Variants in AGGF1 observed in about 807,000 individuals in gnomAD.
The protein encoded by AGGF1 is angiogenic factor with G-patch and FHA domains 1.
Under a neutral mutation model 86.5 loss-of-function variants are expected in AGGF1, and 56 were observed. The ratio of observed to expected loss-of-function variants is 0.65; its 90% CI spans 0.52 to 0.81. The LOEUF (loss-of-function observed/expected upper bound fraction) is 0.81, where lower values mean the gene tolerates loss of function less well. Among genes scored for constraint, AGGF1 ranks in the 30% least tolerant of loss-of-function variants. AGGF1 has a pLI of 0.00. For missense variants in AGGF1, 816 were observed against 850.9 expected, an observed-to-expected ratio of 0.96 and a Z score of 0.51; for synonymous variants, 313 against 297.1, an observed-to-expected ratio of 1.05 and a Z score of -0.55.
chr5:77,048,103 T>A (rs773746238), intron 6 of AGGF1, 58 bp from the exon 7 acceptor site: 27 of 1,110,964 alleles, frequency 2.4e-5, no homozygotes, highest in Non-Finnish European at 3.7e-5. Flanking sequence ...TAGTTATCCC[T>A]ATGAAGTTCT....
chr5:77,035,769 G>A (rs774529237), intron 3 of AGGF1, 26 bp downstream of exon 3: 5 of 1,584,718 alleles, frequency 3.2e-6, no homozygotes, highest in Non-Finnish European at 4.3e-6. Flanking sequence ...ACATGAAACT[G>A]TTGATGCCCA....
chr5:77,032,930 T>C (rs1746898437), intron 1 of AGGF1, among the ~76,000 whole-genome samples: 1 of 151,336 alleles, frequency 6.6e-6, no homozygotes, highest in African/African-American at 2.4e-5. Context: ...GTGGATTTAG[T>C]TATTAAATGT....
chr5:77,047,817 CTT>C (rs771004923), intron 6 of AGGF1, among the ~76,000 whole-genome samples: 22 of 123,586 alleles, frequency 1.8e-4, no homozygotes, highest in East Asian at 2.3e-4. Flanking sequence ...TGTGCCTGGC[CTT>C]TTTTTTTTTT....
At chr5:77,056,038 G>A (rs1747451343) in intron 11 of AGGF1, among the ~76,000 whole-genome samples, 1 of 152,104 alleles carries the variant, frequency 6.6e-6, no homozygotes, top group Non-Finnish European at 1.5e-5. Context: ...GAACAACATA[G>A]TTGGAGAACT....
At chr5:77,031,180 T>C (rs1411200332) in intron 1 of AGGF1, among the ~76,000 whole-genome samples, 1 of 152,266 alleles carries the variant, frequency 6.6e-6, no homozygotes, top group African/African-American at 2.4e-5. Flanking sequence ...AATCAATGTC[T>C]CGCGGCTGGC....
At chr5:77,034,322 T>G in intron 1 of AGGF1, 96 bp from the exon 2 acceptor site, 1 of 801,818 alleles carries the variant, frequency 1.2e-6, no homozygotes, top group East Asian at 2.6e-5. Flanking sequence ...CTCTTGACAT[T>G]TCTCTAAAAC....
At chr5:77,041,665 G>A (rs1338789413) in intron 5 of AGGF1, among the ~76,000 whole-genome samples, 3 of 151,290 alleles carry the variant, frequency 2.0e-5, no homozygotes, top group African/African-American at 7.3e-5. Context: ...GGCCTTGCCT[G>A]AAAAACTAGA....
At chr5:77,060,814 A>G (rs1305502627) in intron 12 of AGGF1, among the ~76,000 whole-genome samples, 1 of 152,226 alleles carries the variant, frequency 6.6e-6, no homozygotes. Context: ...TAGGTACACT[A>G]AGCAACATGA....
At position 77,030,745 on chromosome 5, in the gene AGGF1, G is replaced by A. The variant is rs747171140; in HGVS notation, c.-22G>A. 4.5e-6 allele frequency: 7 copies of A among 1,554,590 alleles called. 1 individual carries two copies. Among genetic ancestry groups the A allele is most frequent in the South Asian group, 2.3e-5 (2 of 86,434 alleles). On this transcript the variant is annotated 5_prime_UTR_variant, in exon 1 of 14. Transcript: ENST00000312916. ...CTGAACGCAGCCCCTCCGCGGCGAC[G>A]AGCAGTCTCGCGCCGGAGCTCATGG...
intron 1 of AGGF1, among the ~76,000 whole-genome samples, chr5:77,033,575 C>G (rs1746910947): frequency 6.6e-6 from 1 of 152,202 alleles, no homozygotes; most frequent in African/African-American, 2.4e-5. Flanking sequence ...AGGAGCGCCT[C>G]AGATTTTTCA....
At chr5:77,052,267 C>T (rs963245328) in intron 8 of AGGF1, among the ~76,000 whole-genome samples, 2 of 151,950 alleles carry the variant, frequency 1.3e-5, no homozygotes, top group African/African-American at 4.8e-5. Flanking sequence ...GTGGGAGGAT[C>T]GCTTGAGCCC....
intron 4 of AGGF1, among the ~76,000 whole-genome samples, chr5:77,039,090 G>T (rs1309305780): frequency 1.3e-5 from 2 of 152,094 alleles, no homozygotes; most frequent in African/African-American, 2.4e-5. Context: ...GGGTTTAGGG[G>T]TTTATACTGC....
intron 12 of AGGF1, 123 bp from the exon 13 acceptor site, chr5:77,061,580 G>T: frequency 1.1e-6 from 1 of 882,950 alleles, no homozygotes. Context: ...CTTCAACTTT[G>T]TTAGGTAATG....
At position 77,061,799 on chromosome 5, in the gene AGGF1, G is replaced by T. The variant is rs771909682; in HGVS notation, c.1941G>T (p.Thr647=). The part of the protein sequence containing the change: ...GLGKDGGGMK[T]PIQLQLRRTH... ...GGAAGGATGGTGGAGGAATGAAAAC[G>T]CCGGTAAGACTTGGATTTTCTTTTA... Residue 647 remains threonine (T), a synonymous_variant, in exon 13 of 14, where the codon ACG becomes ACT. Transcript: ENST00000312916. 5.0e-6 allele frequency: 8 copies of T among 1,610,186 alleles called. No homozygotes were observed. The African/African-American group carries it at 8.0e-5, about 16-fold the overall frequency.
rs750504780 is a variant in AGGF1 at position 77,063,497 on chromosome 5, C to T, written c.*245C>T. 10 of 473,182 alleles carry T rather than the reference C, an allele frequency of 2.1e-5. No individual in the cohort carries two copies. Among genetic ancestry groups the T allele is most frequent in the African/African-American group, 1.4e-4 (7 of 51,002 alleles). The allele number at this position is 473,182 out of a possible 1,614,324, so 29.3% of individuals were successfully genotyped here. ...GGGCACGGATGAGTTTATCAAACTT[C>T]GTTATTTTATCTTGTCATTTACAAC... On this transcript the variant is annotated 3_prime_UTR_variant, in exon 14 of 14. Coordinates refer to ENST00000312916, the MANE Select transcript of AGGF1 (RefSeq NM_018046.5).
chr5:77,062,971 T>A (rs1019810126), intron 13 of AGGF1, 81 bp from the exon 14 acceptor site: 1 of 1,454,220 alleles, frequency 6.9e-7, no homozygotes, highest in African/African-American at 1.4e-5. Flanking sequence ...ATCAAAAAAT[T>A]GTAGAGTCCT....
At chr5:77,044,931 T>C (rs1037414587) in intron 5 of AGGF1, among the ~76,000 whole-genome samples, 2 of 151,978 alleles carry the variant, frequency 1.3e-5, no homozygotes, top group African/African-American at 4.8e-5. Flanking sequence ...GGTATGGTGG[T>C]GCGCATGCCT....
At position 77,033,145 on chromosome 5, in the gene AGGF1, C is replaced by T. The variant is rs1746902727; in HGVS notation, c.211-1273C>T. ...ATAACTCCTTACTCTCCTAGTCAGC[C>T]TCCCTTGGTTGGGGAGAGGGTGGAT... is the stretch of plus-strand genomic sequence containing the variant. On this transcript the variant is annotated intron_variant, in intron 1 of 13. Coordinates refer to ENST00000312916, the MANE Select transcript of AGGF1 (RefSeq NM_018046.5). Among the ~76,000 whole-genome samples, 5 of 152,320 alleles carry T rather than the reference C, an allele frequency of 3.3e-5. No individual in the cohort carries two copies. The South Asian group carries it at 1.0e-3, about 32-fold the overall frequency.
At chr5:77,044,655 G>A (rs1747211571) in intron 5 of AGGF1, among the ~76,000 whole-genome samples, 2 of 152,170 alleles carry the variant, frequency 1.3e-5, no homozygotes, top group South Asian at 4.1e-4. Context: ...TATACAGATA[G>A]GGAACTTTTT....
Sources: gnomAD v4.1 joint callset for allele counts (sites outside exome capture counted in the v4.1 genomes callset) on GRCh38, gnomAD v4.1.1 for gene constraint, MANE v1.5 for transcripts, NCBI Gene and HGNC (gene_info 2026-07-23, HGNC 2026-07-21) for gene names.